Variants in EEF1E1 observed in about 807,000 individuals in gnomAD.
EEF1E1 encodes the protein eukaryotic translation elongation factor 1 epsilon-1.
Under a neutral mutation model 19.9 loss-of-function variants are expected in EEF1E1, and 19 were observed. The ratio of observed to expected loss-of-function variants is 0.95; its 90% CI spans 0.66 to 1.40. The LOEUF is 1.40. Ranked by LOEUF, EEF1E1 falls within the 40% of genes most tolerant of loss-of-function variation. The pLI, the probability that EEF1E1 is intolerant of heterozygous loss-of-function variation, is 0.00. For synonymous variants in EEF1E1, 81 were observed against 80.0 expected, an observed-to-expected ratio of 1.01 and a Z score of -0.07; for missense variants, 198 against 202.2, an observed-to-expected ratio of 0.98 and a Z score of 0.13.
At chr6:8,083,859 C>T (rs1161404001) in intron 3 of EEF1E1, among the ~76,000 whole-genome samples, 1 of 152,194 alleles carries the variant, frequency 6.6e-6, no homozygotes, top group Non-Finnish European at 1.5e-5. Context: ...ACCTCACACC[C>T]ACCCTACCTT....
intron 3 of EEF1E1, among the ~76,000 whole-genome samples, chr6:8,082,003 T>C (rs989284968): frequency 6.6e-6 from 1 of 152,194 alleles, no homozygotes; most frequent in Admixed American, 6.5e-5. Context: ...TTCACCCAGA[T>C]TTTAAACTAG....
downstream of EEF1E1, among the ~76,000 whole-genome samples, chr6:8,074,587 G>T (rs986779728): frequency 6.6e-6 from 1 of 152,206 alleles, no homozygotes; most frequent in African/African-American, 2.4e-5. Flanking sequence ...TGAGGACATT[G>T]ACAAAGCAGA....
At chr6:8,086,184 A>G (rs1025436475) in intron 3 of EEF1E1, among the ~76,000 whole-genome samples, 4 of 152,184 alleles carry the variant, frequency 2.6e-5, no homozygotes, top group East Asian at 1.9e-4. Context: ...TAGGGAACTA[A>G]TAACTGTATC....
chr6:8,088,795 A>G (rs1043141733), intron 3 of EEF1E1, among the ~76,000 whole-genome samples: 3 of 152,230 alleles, frequency 2.0e-5, no homozygotes, highest in Admixed American at 6.5e-5. Context: ...ACAATCAGGC[A>G]GGCTGGAAGA....
chr6:8,088,131 A>G (rs1157486521), intron 3 of EEF1E1, among the ~76,000 whole-genome samples: 1 of 152,224 alleles, frequency 6.6e-6, no homozygotes, highest in Non-Finnish European at 1.5e-5. Flanking sequence ...TGTTATTAGG[A>G]TTAAATGAGT....
At chr6:8,082,468 G>A (rs1757746851) in intron 3 of EEF1E1, among the ~76,000 whole-genome samples, 1 of 152,174 alleles carries the variant, frequency 6.6e-6, no homozygotes, top group South Asian at 2.1e-4. Context: ...TAGTAGAGAC[G>A]TGGTTTTGCC....
At chr6:8,101,879 CT>C (rs1758376472) in intron 1 of EEF1E1, 1 of 1,269,504 alleles carries the variant, frequency 7.9e-7, no homozygotes, top group Non-Finnish European at 1.0e-6. Flanking sequence ...TAGGTGTTCT[CT>C]CTGCCATTTA....
chr6:8,081,740 A>C (rs1175243997), intron 3 of EEF1E1, among the ~76,000 whole-genome samples: 2 of 152,222 alleles, frequency 1.3e-5, no homozygotes, highest in Non-Finnish European at 2.9e-5. Context: ...AAAATGAATA[A>C]ATGAATGAAT....
intron 1 of EEF1E1, chr6:8,101,846 C>T (rs1478298205): frequency 2.3e-6 from 3 of 1,288,164 alleles, no homozygotes; most frequent in Non-Finnish European, 3.0e-6. Context: ...TCCCCGAATC[C>T]CCTAGATTGG....
chr6:8,077,156 G>C (rs912039268), downstream of EEF1E1, among the ~76,000 whole-genome samples: 1 of 152,020 alleles, frequency 6.6e-6, no homozygotes, highest in African/African-American at 2.4e-5. Flanking sequence ...TGTTAGCCAG[G>C]ATTGTCTCGA....
chr6:8,090,986 AC>A (rs1757998077), intron 2 of EEF1E1, among the ~76,000 whole-genome samples: 1 of 152,208 alleles, frequency 6.6e-6, no homozygotes, highest in African/African-American at 2.4e-5. Context: ...GCTGCTGTGA[AC>A]AGGAGCGTAC....
At chr6:8,078,435 TC>T (rs1757650433), downstream of EEF1E1, 1 of 191,584 alleles carries the variant, frequency 5.2e-6, no homozygotes, top group Non-Finnish European at 1.1e-5. Context: ...GTAACAAAGA[TC>T]ACGGGACACA....
downstream of EEF1E1, among the ~76,000 whole-genome samples, chr6:8,077,235 C>A (rs181663962): frequency 7.9e-5 from 12 of 152,188 alleles, no homozygotes; most frequent in Admixed American, 1.3e-4. Context: ...GAGTCACTGC[C>A]CCTGGCAAGA....
At chr6:8,076,947 G>GTT (rs70982138), downstream of EEF1E1, among the ~76,000 whole-genome samples, 1,260 of 113,006 alleles carry the variant, frequency 0.011, 19 homozygotes, top group African/African-American at 0.033. Flanking sequence ...TTTTGTTTTT[G>GTT]TTTTTTTTTT....
At chr6:8,081,963 G>A (rs956084744) in intron 3 of EEF1E1, among the ~76,000 whole-genome samples, 1 of 152,074 alleles carries the variant, frequency 6.6e-6, no homozygotes. Context: ...CCAAACAATA[G>A]AGTACTAATG....
intron 3 of EEF1E1, among the ~76,000 whole-genome samples, chr6:8,081,475 A>C (rs1225873199): frequency 2.0e-5 from 3 of 152,230 alleles, no homozygotes; most frequent in Non-Finnish European, 4.4e-5. Flanking sequence ...TGGTAGATTC[A>C]AACTGAAAGG....
rs1228642790 is a variant in EEF1E1, at chr6:8,079,547, G to A, written c.*343C>T. The A allele has an allele frequency of 1.2e-5, 12 of 1,013,246 alleles. No individual in the cohort carries two copies. The highest frequency in any genetic ancestry group is 1.4e-5 in the Non-Finnish European group (12 of 846,036). 62.8% of individuals were successfully genotyped at this position (1,013,246 alleles called of 1,614,324 possible). On this transcript the variant is annotated 3_prime_UTR_variant, in exon 4 of 4. Transcript: ENST00000379715. The stretch of plus-strand genomic sequence containing the variant: ...AATGAATTTTAGAATATGAAAGAGA[G>A]GTTAATAAATAGCCAAATATGTCAA...
chr6:8,102,330 C>T, intron 1 of EEF1E1, 105 bp downstream of exon 1: 1 of 1,182,572 alleles, frequency 8.5e-7, no homozygotes, highest in African/African-American at 1.5e-5. Context: ...TGGGTAGCAG[C>T]ATCCTCACTC....
At position 8,090,449 on chromosome 6, in the gene EEF1E1, A is replaced by C. The variant is rs190531339; in HGVS notation, c.289-168T>G. ...CATTCAAAATCACAAATAATACGCC[A>C]GTCACCTCATTTTAAAAAAATTGGC... On this transcript the variant is annotated intron_variant, in intron 2 of 3. Coordinates refer to ENST00000379715, the MANE Select transcript of EEF1E1 (RefSeq NM_004280.5). Among the ~76,000 whole-genome samples the C allele has an allele frequency of 2.2e-3, 337 of 152,344 alleles. 1 individual carries two copies. The highest frequency in any genetic ancestry group is 7.6e-3 in the African/African-American group (318 of 41,584).
Sources: allele counts gnomAD v4.1 joint callset (sites outside exome capture counted in the v4.1 genomes callset), GRCh38; gene constraint gnomAD v4.1.1; transcripts MANE v1.5; gene names NCBI Gene and HGNC (gene_info 2026-07-23, HGNC 2026-07-21).